The following MCTS2 variants were observed in gnomAD, a reference collection of about 807,000 sequenced individuals.
MCTS2 encodes the protein MCTS family member 2.
the MCTS2 span, chr20:31,547,721 A>C: frequency 3.4e-6 from 4 of 1,187,054 alleles, no homozygotes; most frequent in South Asian, 5.2e-5. Flanking sequence ...TTTTTTAGAC[A>C]AAGAAAGGGG....
the MCTS2 span, chr20:31,547,746 T>C: frequency 3.9e-6 from 4 of 1,029,094 alleles, no homozygotes; most frequent in Admixed American, 2.0e-5. Context: ...TTTGTCCAAC[T>C]CTAAGGTTGC....
chr20:31,547,618 T>C, the MCTS2 span: 1 of 1,577,718 alleles, frequency 6.3e-7, no homozygotes, highest in Non-Finnish European at 8.6e-7. Flanking sequence ...TATTGAACCA[T>C]GGCTTAATCA....
the MCTS2 span, chr20:31,547,532 G>A: frequency 3.7e-6 from 3 of 812,224 alleles, 1 homozygote; most frequent in Middle Eastern, 3.1e-4. Context: ...GAAAAGGAAA[G>A]TGTGTCCAAC....
chr20:31,547,406 G>T, the MCTS2 span: 2 of 447,914 alleles, frequency 4.5e-6, no homozygotes, highest in Admixed American at 4.4e-5. Flanking sequence ...CCGTCTGGCA[G>T]GCCGCGTGGC....
At chr20:31,547,737 T>G in the MCTS2 span, 8 of 1,059,980 alleles carry the variant, frequency 7.5e-6, no homozygotes, top group African/African-American at 1.3e-4. Context: ...AGGGGCCTTT[T>G]TGTCCAACTC....
chr20:31,547,756 C>T, the MCTS2 span: 1 of 987,592 alleles, frequency 1.0e-6, no homozygotes. Context: ...TCTAAGGTTG[C>T]TTCACAAATA....
chr20:31,547,632 C>T, the MCTS2 span: 6 of 1,577,294 alleles, frequency 3.8e-6, no homozygotes, highest in African/African-American at 2.7e-5. Context: ...TTAATCAAAT[C>T]ATGCCTAAGA....
chr20:31,547,858 C>T, the MCTS2 span: 2 of 967,796 alleles, frequency 2.1e-6, no homozygotes, highest in South Asian at 1.3e-5. Flanking sequence ...TTTAACTTCT[C>T]CTGGAGCTAA....
chr20:31,547,437 A>G, the MCTS2 span: 3 of 526,676 alleles, frequency 5.7e-6, no homozygotes, highest in Non-Finnish European at 1.0e-5. Context: ...GCCTTCCTGC[A>G]GGGGACTCCA....
the MCTS2 span, chr20:31,547,669 C>G: frequency 6.7e-7 from 1 of 1,489,672 alleles, no homozygotes; most frequent in Non-Finnish European, 9.2e-7. Context: ...AGTCCGATGC[C>G]ACGAACATAC....
chr20:31,547,769 C>G, the MCTS2 span: 6 of 962,322 alleles, frequency 6.2e-6, no homozygotes, highest in Non-Finnish European at 6.7e-6. Flanking sequence ...CACAAATACC[C>G]TTTTATCCTG....
chr20:31,547,853 C>T, the MCTS2 span: 9 of 960,818 alleles, frequency 9.4e-6, no homozygotes, highest in African/African-American at 8.0e-5. Flanking sequence ...CCAGGTTTAA[C>T]TTCTCCTGGA....
chr20:31,547,963 G>T, the MCTS2 span: 2 of 1,518,932 alleles, frequency 1.3e-6, no homozygotes, highest in Non-Finnish European at 1.8e-6. Context: ...GTCTGCAGAA[G>T]ATATTGAGAA....
the MCTS2 span, chr20:31,547,724 GA>G: frequency 8.6e-7 from 1 of 1,160,456 alleles, no homozygotes. Flanking sequence ...TTTAGACAAA[GA>G]AAGGGGCCTT....
At chr20:31,547,440 G>A in the MCTS2 span, 2 of 535,534 alleles carry the variant, frequency 3.7e-6, no homozygotes, top group Non-Finnish European at 6.7e-6. Flanking sequence ...TTCCTGCAGG[G>A]GACTCCACCG....
At chr20:31,547,623 T>C in the MCTS2 span, 1 of 1,578,532 alleles carries the variant, frequency 6.3e-7, no homozygotes. Context: ...AACCATGGCT[T>C]AATCAAATCA....
chr20:31,547,907 C>T, the MCTS2 span: 2 of 1,142,638 alleles, frequency 1.8e-6, no homozygotes, highest in East Asian at 2.3e-5. Flanking sequence ...GTAGCAGTCA[C>T]AGCGGAAGGA....
At chr20:31,547,639 A>G in the MCTS2 span, 1 of 1,576,130 alleles carries the variant, frequency 6.3e-7, no homozygotes, top group Non-Finnish European at 8.6e-7. Context: ...AATCATGCCT[A>G]AGAAAGATCC....
the MCTS2 span, chr20:31,547,934 G>C: frequency 7.7e-7 from 1 of 1,301,226 alleles, no homozygotes; most frequent in East Asian, 2.3e-5. Context: ...CATGCTCTGT[G>C]TGTTGGGGTC....
Sources: gnomAD v4.1 joint callset for allele counts on GRCh38, gnomAD v4.1.1 for gene constraint, MANE v1.5 for transcripts, NCBI Gene and HGNC (gene_info 2026-07-23, HGNC 2026-07-21) for gene names.